Variants in CCNY observed in about 807,000 individuals in gnomAD.
CCNY encodes the protein cyclin Y.
In CCNY, 19 loss-of-function variants were observed where a neutral mutation model predicts 42.8. The ratio of observed to expected loss-of-function variants is 0.44; its 90% CI spans 0.31 to 0.65. CCNY has a LOEUF of 0.65. Ranked by LOEUF, CCNY falls within the 30% of genes least tolerant of loss-of-function variation. The probability of loss-of-function intolerance (pLI) is 0.07; values close to 1 mark genes in which losing one functional copy is unlikely to be tolerated. For missense variants in CCNY, 370 were observed against 437.3 expected (o/e 0.85, Z 1.37); for synonymous variants, 165 against 162.7 (o/e 1.01, Z -0.11).
intron 1 of CCNY, among the ~76,000 whole-genome samples, chr10:35,478,077 AC>A (rs1413703042): frequency 1.5e-3 from 231 of 150,018 alleles, no homozygotes; most frequent in South Asian, 3.5e-3. Flanking sequence ...AATCCAACTT[AC>A]AAGGGATGTG....
At chr10:35,390,315 G>A (rs959446920) in intron 1 of CCNY, among the ~76,000 whole-genome samples, 1 of 152,232 alleles carries the variant, frequency 6.6e-6, no homozygotes, top group East Asian at 1.9e-4. Flanking sequence ...GCCAGCAGAC[G>A]GTATTTCCAT....
In CCNY at chr10:35,473,982, G is replaced by T. The variant is rs543707365; in HGVS notation, c.155-9422G>T. Among the ~76,000 whole-genome samples the T allele has an allele frequency of 3.4e-3, 511 of 152,334 alleles. 3 individuals carry two copies. Among genetic ancestry groups the T allele is most frequent in the African/African-American group, 0.012 (481 of 41,572 alleles). On this transcript the variant is annotated intron_variant, in intron 1 of 9. Coordinates refer to ENST00000374704, the MANE Select transcript of CCNY (RefSeq NM_145012.6). ...AGCAGGGCGAGGCATTGCCTCACTCGGGAAGCGCAAGGGGTCAGGGAGTTC... is the reference window on the plus strand; with the variant it reads ...AGCAGGGCGAGGCATTGCCTCACTCTGGAAGCGCAAGGGGTCAGGGAGTTC...
At chr10:35,400,438 C>A (rs149798266) in intron 1 of CCNY, among the ~76,000 whole-genome samples, 15 of 152,078 alleles carry the variant, frequency 9.9e-5, no homozygotes, top group African/African-American at 3.1e-4. Context: ...TGCTTCACGT[C>A]GTGGAATGGA....
chr10:35,428,043 A>G (rs570294879), intron 1 of CCNY, among the ~76,000 whole-genome samples: 4 of 152,312 alleles, frequency 2.6e-5, no homozygotes, highest in African/African-American at 7.2e-5. Context: ...ATTGTTTCCT[A>G]TACATATGTA....
intron 4 of CCNY, among the ~76,000 whole-genome samples, chr10:35,521,787 T>C (rs900202543): frequency 2.6e-5 from 4 of 152,290 alleles, no homozygotes; most frequent in Middle Eastern, 3.4e-3. Context: ...GCATGCACGG[T>C]AAGCCCCTCA....
intron 1 of CCNY, among the ~76,000 whole-genome samples, chr10:35,418,385 C>T (rs1162091978): frequency 1.3e-5 from 2 of 152,140 alleles, no homozygotes; most frequent in Admixed American, 1.3e-4. Flanking sequence ...TCTCTTCTAC[C>T]AGGAGGGAAG....
intron 3 of CCNY, among the ~76,000 whole-genome samples, chr10:35,259,495 GTTT>G (rs35988898): frequency 1.5e-5 from 1 of 65,154 alleles, no homozygotes; most frequent in Non-Finnish European, 2.6e-5. Flanking sequence ...AGTCCTGGTT[GTTT>G]TTTTTTTTTT....
intron 3 of CCNY, among the ~76,000 whole-genome samples, chr10:35,289,893 A>G (rs902606945): frequency 2.6e-5 from 4 of 151,338 alleles, no homozygotes; most frequent in African/African-American, 7.3e-5. Flanking sequence ...AAAAAAAAAA[A>G]AAAAGTTCCT....
chr10:35,552,799 T>TAACA (rs1841286951), intron 7 of CCNY, among the ~76,000 whole-genome samples: 1 of 152,240 alleles, frequency 6.6e-6, no homozygotes, highest in Admixed American at 6.5e-5. Flanking sequence ...AGAGTCTGTT[T>TAACA]AAGATCCAGC....
intron 7 of CCNY, among the ~76,000 whole-genome samples, chr10:35,549,602 G>A (rs1841202351): frequency 1.4e-5 from 2 of 141,334 alleles, no homozygotes; most frequent in South Asian, 2.3e-4. Context: ...TCATGACCCT[G>A]CGCTGCTCAT....
chr10:35,419,584 G>A (rs370458550), intron 1 of CCNY, among the ~76,000 whole-genome samples: 16 of 148,562 alleles, frequency 1.1e-4, no homozygotes, highest in Middle Eastern at 6.9e-3. Context: ...ATAAGTTATC[G>A]GTCTGAGGAA....
rs915136547 is a variant in CCNY, at chr10:35,466,202, G to T, written c.155-17202G>T. Among the ~76,000 whole-genome samples the T allele has an allele frequency of 1.3e-5, 2 of 152,094 alleles. 1 individual carries two copies. The highest frequency in any genetic ancestry group is 4.1e-4 in the South Asian group (2 of 4,824). ...AGTACACAGGCATGTACCAGGCTTGGTGGGAGTGGGAGAGAGGCACGGAAG... is the reference window on the plus strand; with the variant it reads ...AGTACACAGGCATGTACCAGGCTTGTTGGGAGTGGGAGAGAGGCACGGAAG... On this transcript the variant is annotated intron_variant, in intron 1 of 9. Transcript: ENST00000374704.
At chr10:35,325,202 G>GTA (rs2135099253) in intron 3 of CCNY, among the ~76,000 whole-genome samples, 1 of 152,120 alleles carries the variant, frequency 6.6e-6, no homozygotes, top group South Asian at 2.1e-4. Context: ...TTTTTGAGAT[G>GTA]GAGTCTCACT....
At chr10:35,353,266 A>G (rs1434544812) in intron 1 of CCNY, among the ~76,000 whole-genome samples, 1 of 152,104 alleles carries the variant, frequency 6.6e-6, no homozygotes, top group African/African-American at 2.4e-5. Context: ...AGTTTAGTTG[A>G]ACTTGTTCGT....
intron 1 of CCNY, among the ~76,000 whole-genome samples, chr10:35,375,647 T>C (rs960425291): frequency 6.6e-6 from 1 of 152,328 alleles, no homozygotes; most frequent in East Asian, 1.9e-4. Context: ...GCTTTCAGTA[T>C]AGGGAAGTCT....
chr10:35,375,343 C>A (rs1007915986), intron 1 of CCNY, among the ~76,000 whole-genome samples: 1 of 152,182 alleles, frequency 6.6e-6, no homozygotes, highest in Admixed American at 6.5e-5. Context: ...ATCTTTAAAG[C>A]CAGCAGTGGT....
At chr10:35,514,097 A>AT (rs1840379239) in intron 3 of CCNY, among the ~76,000 whole-genome samples, 2 of 150,124 alleles carry the variant, frequency 1.3e-5, no homozygotes, top group Non-Finnish European at 3.0e-5. Flanking sequence ...AAAAAAAAAA[A>AT]CAGAGACAAC....
chr10:35,517,799 TC>T (rs1198520640), intron 4 of CCNY, among the ~76,000 whole-genome samples: 1 of 152,176 alleles, frequency 6.6e-6, no homozygotes, highest in Non-Finnish European at 1.5e-5. Context: ...CTGTCTTAGC[TC>T]CACCACGCAT....
chr10:35,524,173 AAATAGAATC>A (rs1840603721), intron 4 of CCNY, among the ~76,000 whole-genome samples: 1 of 152,214 alleles, frequency 6.6e-6, no homozygotes, highest in Non-Finnish European at 1.5e-5. Flanking sequence ...CCCATTTATA[AAATAGAATC>A]AATAACATCT....
Sources: gnomAD v4.1 joint callset for allele counts (sites outside exome capture counted in the v4.1 genomes callset) on GRCh38, gnomAD v4.1.1 for gene constraint, MANE v1.5 for transcripts, NCBI Gene and HGNC (gene_info 2026-07-23, HGNC 2026-07-21) for gene names.